The following DPP10 variants were observed in gnomAD, a reference collection of about 807,000 sequenced individuals.
DPP10 encodes the protein inactive dipeptidyl peptidase 10.
Under a neutral mutation model 120.9 loss-of-function variants are expected in DPP10, and 33 were observed. The ratio of observed to expected loss-of-function variants is 0.27; its 90% CI spans 0.21 to 0.37. The LOEUF is 0.37. Ranked by LOEUF, DPP10 falls within the 10% of genes least tolerant of loss-of-function variation. DPP10 has a pLI of 1.00. For synonymous variants in DPP10, 337 were observed against 326.1 expected, an observed-to-expected ratio of 1.03 and a Z score of -0.36; for missense variants, 816 against 942.8, an observed-to-expected ratio of 0.87 and a Z score of 1.76.
chr2:114,722,751 G>A (rs1183487411), intron 1 of DPP10, among the ~76,000 whole-genome samples: 2 of 131,442 alleles, frequency 1.5e-5, no homozygotes, highest in East Asian at 2.4e-4. Context: ...ACTCCAGCCT[G>A]GGAGACAGAG....
At chr2:114,749,553 ATTTTAT>A (rs1304183403) in intron 1 of DPP10, among the ~76,000 whole-genome samples, 2 of 130,034 alleles carry the variant, frequency 1.5e-5, no homozygotes, top group African/African-American at 6.0e-5. Context: ...CACTGCTTTT[ATTTTAT>A]TTTATTTTAT....
intron 1 of DPP10, among the ~76,000 whole-genome samples, chr2:115,142,550 C>A (rs1366554183): frequency 2.0e-5 from 3 of 152,208 alleles, no homozygotes; most frequent in African/African-American, 7.2e-5. Context: ...AAGAGATTTA[C>A]TGCAGCTTTG....
intron 5 of DPP10, among the ~76,000 whole-genome samples, chr2:115,559,060 C>T (rs1315605586): frequency 6.6e-6 from 1 of 152,192 alleles, no homozygotes; most frequent in Non-Finnish European, 1.5e-5. Context: ...GAAATCATTA[C>T]AGCATATCAT....
rs78639110 is a variant in DPP10, at chr2:114,868,765, T to C, written c.60+425927T>C. Among the ~76,000 whole-genome samples, 442 of 152,246 alleles carry C rather than the reference T, an allele frequency of 2.9e-3. 1 individual carries two copies. Among genetic ancestry groups the C allele is most frequent in the African/African-American group, 0.01 (431 of 41,548 alleles). On this transcript the variant is annotated intron_variant, in intron 1 of 25. Coordinates refer to ENST00000410059, the MANE Select transcript of DPP10 (RefSeq NM_020868.6). ...CTCAAGATAAACTTTAAAATGGAAGTACAAAAACAATTCTTTTTAGGAAAA... is the reference window on the plus strand; with the variant it reads ...CTCAAGATAAACTTTAAAATGGAAGCACAAAAACAATTCTTTTTAGGAAAA...
chr2:115,578,729 T>G (rs2081837818), intron 5 of DPP10, among the ~76,000 whole-genome samples: 1 of 152,218 alleles, frequency 6.6e-6, no homozygotes, highest in African/African-American at 2.4e-5. Flanking sequence ...GAAATCTCCC[T>G]AAAGGATTTG....
At chr2:115,812,367 G>T (rs954328567) in intron 19 of DPP10, among the ~76,000 whole-genome samples, 1 of 152,042 alleles carries the variant, frequency 6.6e-6, no homozygotes, top group Admixed American at 6.6e-5. Flanking sequence ...ACAAGCATTG[G>T]CTGTGTCCTA....
intron 1 of DPP10, among the ~76,000 whole-genome samples, chr2:115,273,362 GACC>G: frequency 6.6e-6 from 1 of 151,308 alleles, no homozygotes; most frequent in South Asian, 2.1e-4. Flanking sequence ...TTTTTGTTTT[GACC>G]GAGTCTCCCT....
At chr2:115,826,156 A>G (rs886629197) in intron 21 of DPP10, among the ~76,000 whole-genome samples, 1 of 152,198 alleles carries the variant, frequency 6.6e-6, no homozygotes, top group Non-Finnish European at 1.5e-5. Context: ...AGGTCAAGTA[A>G]CAACTCAGTT....
intron 19 of DPP10, 96 bp downstream of exon 19, chr2:115,791,452 C>T: frequency 9.2e-7 from 1 of 1,084,604 alleles, no homozygotes; most frequent in Admixed American, 2.4e-5. Context: ...GAAGAGAAGT[C>T]CTATGTGTGT....
chr2:114,931,602 G>A (rs939254619), intron 1 of DPP10, among the ~76,000 whole-genome samples: 5 of 152,268 alleles, frequency 3.3e-5, no homozygotes, highest in Admixed American at 2.6e-4. Flanking sequence ...TGAGATTTAC[G>A]GAGACAAACA....
At chr2:115,203,538 T>G (rs1463774758) in intron 1 of DPP10, among the ~76,000 whole-genome samples, 3 of 152,090 alleles carry the variant, frequency 2.0e-5, no homozygotes, top group African/African-American at 7.2e-5. Context: ...GAACTAAGGG[T>G]GATATGCTCC....
At chr2:115,075,839 C>T (rs1707745210) in intron 1 of DPP10, among the ~76,000 whole-genome samples, 1 of 151,890 alleles carries the variant, frequency 6.6e-6, no homozygotes, top group South Asian at 2.1e-4. Flanking sequence ...GCAGTGAGTC[C>T]ATTTAAAACT....
chr2:114,601,018 A>G (rs577748501), intron 1 of DPP10, among the ~76,000 whole-genome samples: 1 of 152,040 alleles, frequency 6.6e-6, no homozygotes, highest in Non-Finnish European at 1.5e-5. Context: ...CTCCCAACTT[A>G]CCTTAGAAGG....
chr2:115,672,676 CTTTCTCTTTCTT>C (rs1215597718), intron 5 of DPP10, among the ~76,000 whole-genome samples: 8 of 104,706 alleles, frequency 7.6e-5, no homozygotes, highest in African/African-American at 2.8e-4. Context: ...TTCTCTCTTT[CTTTCTCTTTCTT>C]TCTTTCTTTC....
chr2:114,444,712 A>T (rs1573368336), intron 1 of DPP10, among the ~76,000 whole-genome samples: 1 of 152,168 alleles, frequency 6.6e-6, no homozygotes, highest in African/African-American at 2.4e-5. Flanking sequence ...CCACTTAACA[A>T]TGTATTATAT....
intron 1 of DPP10, among the ~76,000 whole-genome samples, chr2:114,617,573 C>T (rs925252561): frequency 6.6e-6 from 1 of 152,042 alleles, no homozygotes; most frequent in Non-Finnish European, 1.5e-5. Flanking sequence ...TGAGATGTCA[C>T]TCTGTGTGCA....
intron 1 of DPP10, among the ~76,000 whole-genome samples, chr2:115,033,228 G>T (rs1015053912): frequency 1.3e-5 from 2 of 152,166 alleles, no homozygotes; most frequent in African/African-American, 4.8e-5. Flanking sequence ...TGAATAGTGG[G>T]AGAGTGAGGA....
chr2:114,616,602 G>A (rs1314108750), intron 1 of DPP10, among the ~76,000 whole-genome samples: 1 of 152,006 alleles, frequency 6.6e-6, no homozygotes, highest in Non-Finnish European at 1.5e-5. Context: ...TGCAGACGTG[G>A]GGACTGTTTG....
intron 1 of DPP10, among the ~76,000 whole-genome samples, chr2:115,187,204 T>C (rs1436377047): frequency 6.7e-6 from 1 of 150,014 alleles, no homozygotes; most frequent in Non-Finnish European, 1.5e-5. Context: ...GCCCGGCTAA[T>C]TTTTTGTATT....
Sources: gnomAD v4.1 joint callset for allele counts (sites outside exome capture counted in the v4.1 genomes callset) on GRCh38, gnomAD v4.1.1 for gene constraint, MANE v1.5 for transcripts, NCBI Gene and HGNC (gene_info 2026-07-23, HGNC 2026-07-21) for gene names.